Variants in CAPSL observed in about 807,000 individuals in gnomAD.
CAPSL encodes the protein calcyphosin-like protein.
In CAPSL, 17 loss-of-function variants were observed where a neutral mutation model predicts 21.3. The observed-to-expected ratio is 0.80, with a 90% CI of 0.55 to 1.20. The LOEUF (loss-of-function observed/expected upper bound fraction) is 1.20, where lower values mean the gene tolerates loss of function less well. CAPSL is among the 50% of genes most tolerant of loss of function. CAPSL has a pLI of 0.00. For missense variants in CAPSL, 289 were observed against 259.3 expected (o/e 1.11, Z -0.79); for synonymous variants, 102 against 89.3 (o/e 1.14, Z -0.80).
At chr5:35,926,239 C>T (rs11948151) in intron 1 of CAPSL, among the ~76,000 whole-genome samples, 57,880 of 151,950 alleles carry the variant, frequency 0.38, 11,977 homozygotes, top group African/African-American at 0.54. Flanking sequence ...AGGAGATGGC[C>T]AGTGGCAGAA....
At chr5:35,921,667 G>A (rs1013689287) in intron 1 of CAPSL, among the ~76,000 whole-genome samples, 1 of 152,190 alleles carries the variant, frequency 6.6e-6, no homozygotes, top group Non-Finnish European at 1.5e-5. Context: ...GTGCAGTGAA[G>A]TGCTGTCTCC....
intron 4 of CAPSL, among the ~76,000 whole-genome samples, chr5:35,905,628 C>T (rs1408604994): frequency 6.6e-6 from 1 of 152,228 alleles, no homozygotes; most frequent in African/African-American, 2.4e-5. Context: ...AATTAGGATA[C>T]CATTAGCATC....
intron 1 of CAPSL, among the ~76,000 whole-genome samples, chr5:35,931,928 C>A (rs1025825493): frequency 2.6e-5 from 4 of 152,140 alleles, no homozygotes; most frequent in Admixed American, 2.0e-4. Context: ...CTTCTATCAC[C>A]CTTTTAGATG....
At chr5:35,932,574 G>A (rs1738849523) in intron 1 of CAPSL, among the ~76,000 whole-genome samples, 1 of 152,122 alleles carries the variant, frequency 6.6e-6, no homozygotes, top group Non-Finnish European at 1.5e-5. Flanking sequence ...TGAATAATTT[G>A]CCACCCCTAA....
At position 35,904,347 on chromosome 5, in the gene CAPSL, T is replaced by C; in HGVS notation, c.*198A>G. On this transcript the variant is annotated 3_prime_UTR_variant, in exon 5 of 5. Coordinates refer to ENST00000651391, the MANE Select transcript of CAPSL (RefSeq NM_001042625.2). ...TATTTTAGAACAAAGGAAACAGTCT[T>C]AGGCAAGGCAAACTCACAGTTGGCT... 1.7e-6 allele frequency: 1 copy of C among 596,532 alleles called. No individual in the cohort carries two copies. Among genetic ancestry groups the C allele is most frequent in the Non-Finnish European group, 3.0e-6 (1 of 335,250 alleles). The allele number at this position is 596,532 out of a possible 1,614,324, so 37.0% of individuals were successfully genotyped here.
In CAPSL at chr5:35,925,752, G is replaced by T. The variant is rs56349546; in HGVS notation, c.1-4632C>A. 6.0e-3 allele frequency among the ~76,000 whole-genome samples: 918 copies of T among 152,042 alleles called. 8 individuals are homozygous for T. Among genetic ancestry groups the T allele is most frequent in the Non-Finnish European group, 9.0e-3 (613 of 68,006 alleles). ...TTAAAAAACAGGAGACCACAAAAAA[G>T]GGAAAAAGTCTTCTTAAAAAACAGG... On this transcript the variant is annotated intron_variant, in intron 1 of 4. Transcript: ENST00000651391.
intron 4 of CAPSL, among the ~76,000 whole-genome samples, chr5:35,908,367 C>G (rs1354124756): frequency 6.6e-6 from 1 of 152,208 alleles, no homozygotes; most frequent in Non-Finnish European, 1.5e-5. Context: ...AGTGCTATAA[C>G]TGCTAAAAAC....
intron 1 of CAPSL, among the ~76,000 whole-genome samples, chr5:35,922,435 T>G (rs1738562664): frequency 6.6e-6 from 1 of 152,124 alleles, no homozygotes; most frequent in Admixed American, 6.5e-5. Flanking sequence ...AGATTCCCAG[T>G]ATGTGGATGA....
rs142100695 is a variant in CAPSL, at chr5:35,929,439, C to T, written c.1-8319G>A. ...TCCCGAGTAGCTAGGAATACAGGCA[C>T]CTGCCACCACACCCAGCTGATTTTT... is the stretch of plus-strand genomic sequence containing the variant. On this transcript the variant is annotated intron_variant, in intron 1 of 4. Transcript: ENST00000651391. 2.9e-4 allele frequency among the ~76,000 whole-genome samples: 44 copies of T among 152,102 alleles called. 1 individual carries two copies. The East Asian group carries it at 7.4e-3, about 25-fold the overall frequency.
At chr5:35,931,485 G>A (rs976280387) in intron 1 of CAPSL, among the ~76,000 whole-genome samples, 1 of 151,470 alleles carries the variant, frequency 6.6e-6, no homozygotes, top group South Asian at 2.1e-4. Context: ...CCCCAAGGTT[G>A]TAGGGTCCTT....
At chr5:35,916,806 C>G (rs558161846) in intron 2 of CAPSL, among the ~76,000 whole-genome samples, 2 of 152,110 alleles carry the variant, frequency 1.3e-5, no homozygotes, top group African/African-American at 4.8e-5. Context: ...TAGGCATGGG[C>G]AAGGACTTCA....
chr5:35,934,328 T>G (rs1738891893), intron 1 of CAPSL, among the ~76,000 whole-genome samples: 1 of 152,100 alleles, frequency 6.6e-6, no homozygotes, highest in Non-Finnish European at 1.5e-5. Context: ...GACACCCAGA[T>G]TTTCCTCTAT....
intron 4 of CAPSL, among the ~76,000 whole-genome samples, chr5:35,908,927 T>C (rs1275943676): frequency 6.6e-6 from 1 of 152,124 alleles, no homozygotes; most frequent in Middle Eastern, 3.2e-3. Flanking sequence ...TTAACCACTC[T>C]CTTCTTGTCC....
At chr5:35,905,859 G>C (rs1760662702) in intron 4 of CAPSL, among the ~76,000 whole-genome samples, 1 of 152,204 alleles carries the variant, frequency 6.6e-6, no homozygotes, top group Non-Finnish European at 1.5e-5. Context: ...TAGGCCCACA[G>C]GCTGTACCCC....
Position 35,910,397 on chromosome 5 carries a change from A to G in CAPSL, c.284T>C (p.Ile95Thr), listed in dbSNP as rs1007193277. ...RRFDKDGNGT[I>T]DFNEFLLTLR... ...TGTGAGAAGAAATTCATTGAAGTCT[A>G]TTGTTCCATTTCCATCTTTATCAAA... The change falls in exon 3 of 5, where the codon ATA becomes ACA. Residue 95 changes from isoleucine (I) to threonine (T), a missense_variant. Ile to Thr is a moderately conservative substitution (Grantham distance 89). Transcript: ENST00000651391. 2 of 1,613,916 alleles carry G rather than the reference A, an allele frequency of 1.2e-6. No homozygotes were observed. The highest frequency in any genetic ancestry group is 1.7e-6 in the Non-Finnish European group (2 of 1,179,860).
chr5:35,913,960 A>G (rs1437882631), intron 2 of CAPSL, among the ~76,000 whole-genome samples: 1 of 152,174 alleles, frequency 6.6e-6, no homozygotes, highest in African/African-American at 2.4e-5. Context: ...TATTCAGGAA[A>G]CCCATCTCAA....
At chr5:35,926,493 A>T (rs1236717970) in intron 1 of CAPSL, among the ~76,000 whole-genome samples, 1 of 152,074 alleles carries the variant, frequency 6.6e-6, no homozygotes, top group Non-Finnish European at 1.5e-5. Flanking sequence ...TTTGCGAATT[A>T]TTGTAGGAAG....
chr5:35,904,731 A>G, intron 4 of CAPSL, 85 bp from the exon 5 acceptor site: 2 of 1,550,892 alleles, frequency 1.3e-6, no homozygotes, highest in East Asian at 2.3e-5. Context: ...TGTAAATAGA[A>G]GGGAAATAGA....
rs754528956 is a variant in CAPSL, at chr5:35,904,704, C to T, written c.526-58G>A. The T allele has an allele frequency of 1.9e-4, 298 of 1,601,922 alleles. 1 individual carries two copies. Among genetic ancestry groups the T allele is most frequent in the Admixed American group, 4.4e-4 (26 of 58,574 alleles). ...CTTTGCTTCTCACTCTGTCAATGGGCGCCCACCTTGTGCACCTGTAAATAG... is the reference window on the plus strand; with the variant it reads ...CTTTGCTTCTCACTCTGTCAATGGGTGCCCACCTTGTGCACCTGTAAATAG... On this transcript the variant is annotated intron_variant, in intron 4 of 4. Transcript: ENST00000651391.
Sources: allele counts gnomAD v4.1 joint callset (sites outside exome capture counted in the v4.1 genomes callset), GRCh38; gene constraint gnomAD v4.1.1; transcripts MANE v1.5; gene names NCBI Gene and HGNC (gene_info 2026-07-23, HGNC 2026-07-21).